The following TRIM36 variants were observed in gnomAD, a reference collection of about 807,000 sequenced individuals.
TRIM36 encodes E3 ubiquitin-protein ligase TRIM36.
A neutral mutation model predicts 72.4 loss-of-function variants in TRIM36; 42 were observed. The ratio of observed to expected loss-of-function variants is 0.58; its 90% CI spans 0.45 to 0.75. TRIM36 has a LOEUF of 0.75. TRIM36 is among the 30% of genes least tolerant of loss of function. The probability of loss-of-function intolerance (pLI) is 0.00; values close to 1 mark genes in which losing one functional copy is unlikely to be tolerated. For missense variants in TRIM36, 913 were observed against 857.1 expected, an observed-to-expected ratio of 1.07 and a Z score of -0.81; for synonymous variants, 315 against 282.8, an observed-to-expected ratio of 1.11 and a Z score of -1.14.
intron 2 of TRIM36, among the ~76,000 whole-genome samples, chr5:115,159,055 T>C (rs1306838946): frequency 6.6e-6 from 1 of 152,166 alleles, no homozygotes; most frequent in Non-Finnish European, 1.5e-5. Flanking sequence ...TTTAATAAGA[T>C]AGGTTGCCCC....
intron 5 of TRIM36, 38 bp from the exon 6 acceptor site, chr5:115,137,654 A>G (rs1392022306): frequency 5.9e-6 from 9 of 1,522,910 alleles, no homozygotes; most frequent in African/African-American, 5.6e-5. Context: ...CTAAGATAAA[A>G]CAAAGAATAG....
intron 9 of TRIM36, among the ~76,000 whole-genome samples, chr5:115,130,360 A>C (rs1206912231): frequency 6.6e-6 from 1 of 152,254 alleles, no homozygotes; most frequent in Non-Finnish European, 1.5e-5. Flanking sequence ...GCTATATCAC[A>C]ATTAAGAGAT....
chr5:115,166,671 G>A (rs1185444585), intron 1 of TRIM36, among the ~76,000 whole-genome samples: 5 of 152,188 alleles, frequency 3.3e-5, no homozygotes, highest in South Asian at 2.1e-4. Flanking sequence ...CCTGCTGCTC[G>A]CCATGTTGTG....
At chr5:115,167,276 G>A (rs1439474947) in intron 1 of TRIM36, among the ~76,000 whole-genome samples, 3 of 152,166 alleles carry the variant, frequency 2.0e-5, no homozygotes, top group Non-Finnish European at 4.4e-5. Flanking sequence ...GCACCTGTTT[G>A]GCCCTGCCAA....
chr5:115,157,941 A>T (rs1039758789), intron 2 of TRIM36, among the ~76,000 whole-genome samples: 7 of 152,100 alleles, frequency 4.6e-5, no homozygotes, highest in African/African-American at 1.7e-4. Context: ...AGAATAACAC[A>T]ATGGACTCTG....
rs1036457661 is a variant in TRIM36, at chr5:115,144,075, C to T, written c.735+523G>A. Among the ~76,000 whole-genome samples, 11 of 151,882 alleles carry T rather than the reference C, an allele frequency of 7.2e-5. No individual in the cohort carries two copies. In the East Asian group the frequency reaches 1.9e-3, roughly 27 times the overall value. ...ATTTTTAGTAGAGATGGGGTTTCAC[C>T]GTGTTAGCCAGGATGGTCTCGATCT... On this transcript the variant is annotated intron_variant, in intron 4 of 9. Coordinates refer to ENST00000513154, the MANE Select transcript of TRIM36 (RefSeq NM_001300759.2).
upstream of TRIM36, among the ~76,000 whole-genome samples, chr5:115,172,892 A>G (rs890293438): frequency 3.9e-5 from 6 of 152,378 alleles, no homozygotes; most frequent in South Asian, 2.1e-4. Context: ...GGAGTTAGGT[A>G]TACAAGATTT....
At chr5:115,132,202 GTGTA>G (rs1752723982) in intron 8 of TRIM36, among the ~76,000 whole-genome samples, 1 of 149,874 alleles carries the variant, frequency 6.7e-6, no homozygotes, top group Admixed American at 6.7e-5. Flanking sequence ...GTGTGTGTGT[GTGTA>G]TATATATATA....
At chr5:115,148,211 C>T (rs1404315956) in intron 2 of TRIM36, 1 of 496,730 alleles carries the variant, frequency 2.0e-6, no homozygotes, top group Non-Finnish European at 2.6e-6. Flanking sequence ...CCAAAAGTTA[C>T]CCCAAAAACA....
chr5:115,130,560 T>G, intron 9 of TRIM36, 32 bp downstream of exon 9: 1 of 1,562,478 alleles, frequency 6.4e-7, no homozygotes, highest in Non-Finnish European at 8.7e-7. Flanking sequence ...TTTTAAAAAA[T>G]TATCAAGTTC....
At chr5:115,174,450 A>G (rs912763146), upstream of TRIM36, among the ~76,000 whole-genome samples, 16 of 152,234 alleles carry the variant, frequency 1.1e-4, no homozygotes, top group African/African-American at 2.9e-4. Context: ...CGGACCACCT[A>G]TACTGCTGGG....
chr5:115,149,483 C>T (rs374039079), intron 2 of TRIM36: 45 of 138,826 alleles, frequency 3.2e-4, no homozygotes, highest in African/African-American at 1.1e-3. Context: ...ATTAAAGTAA[C>T]GGGATAATGA....
intron 1 of TRIM36, among the ~76,000 whole-genome samples, chr5:115,175,648 C>CT (rs1010069620): frequency 2.1e-4 from 31 of 148,276 alleles, no homozygotes; most frequent in Middle Eastern, 6.9e-3. Flanking sequence ...TAGGAGACAC[C>CT]TTTTTTTTTC....
chr5:115,148,351 A>AATCC, intron 2 of TRIM36: 1 of 984,750 alleles, frequency 1.0e-6, no homozygotes, highest in Non-Finnish European at 1.2e-6. Context: ...GGTTCACAGG[A>AATCC]ATCCAGGGTT....
rs115210478 is a variant in TRIM36 at position 115,144,830 on chromosome 5, A to G, written c.589-86T>C. 3,441 of 1,424,974 alleles carry G rather than the reference A, an allele frequency of 2.4e-3. 74 individuals carry two copies. The African/African-American group carries it at 0.045, about 19-fold the overall frequency. The allele number at this position is 1,424,974 out of a possible 1,614,324, so 88.3% of individuals were successfully genotyped here. On this transcript the variant is annotated intron_variant, in intron 3 of 9. Coordinates refer to ENST00000513154, the MANE Select transcript of TRIM36 (RefSeq NM_001300759.2). ...ACCAAAATACAAAGATTTGCCTTAT[A>G]AAATCACTAAATAAAGCCATTTAAG...
intron 5 of TRIM36, among the ~76,000 whole-genome samples, chr5:115,140,415 T>G (rs559848496): frequency 6.6e-6 from 1 of 152,334 alleles, no homozygotes; most frequent in South Asian, 2.1e-4. Flanking sequence ...TTTCTAATTT[T>G]TTATTGAAAC....
chr5:115,126,419 G>A lies in TRIM36; in HGVS notation c.*84C>T. On this transcript the variant is annotated 3_prime_UTR_variant, in exon 10 of 10. Coordinates refer to ENST00000513154, the MANE Select transcript of TRIM36 (RefSeq NM_001300759.2). The stretch of plus-strand genomic sequence containing the variant: ...CACAAGTGGGGTGACAGAACACTCA[G>A]CGATATGTAATTAGTTACGAAGGTT... 2 of 1,080,362 alleles carry A rather than the reference G, an allele frequency of 1.9e-6. No individual in the cohort carries two copies. The highest frequency in any genetic ancestry group is 2.6e-6 in the Non-Finnish European group (2 of 762,974). 66.9% of individuals were successfully genotyped at this position (1,080,362 alleles called of 1,614,324 possible). A position where few individuals can be genotyped will look rare whatever the true frequency, so the allele number is the denominator to read the frequency against.
At position 115,169,827 on chromosome 5, in the gene TRIM36, G is replaced by C. The variant is rs1173062424; in HGVS notation, c.-193C>G. 1.5e-6 allele frequency: 2 copies of C among 1,323,752 alleles called. No individual in the cohort carries two copies. The highest frequency in any genetic ancestry group is 3.6e-5 in the Admixed American group (1 of 27,734). The allele number at this position is 1,323,752 out of a possible 1,614,324, so 82.0% of individuals were successfully genotyped here. On this transcript the variant is annotated 5_prime_UTR_variant, in exon 1 of 10. Transcript: ENST00000513154. ...CCGGGGCAGGCAAAAGCACAGGCGC[G>C]GGAGAAGCGAGCTTTGCTCCCAGCG...
At position 115,169,901 on chromosome 5, in the gene TRIM36, C is replaced by T; in HGVS notation, c.-267G>A. ...CTGCCGGCTGCAGCAGCGGCTCCTG[C>T]GGACTGCGGCTGGGAACGGCGCCGC... On this transcript the variant is annotated 5_prime_UTR_variant, in exon 1 of 10. Coordinates refer to ENST00000513154, the MANE Select transcript of TRIM36 (RefSeq NM_001300759.2). 1 of 1,290,390 alleles carries T rather than the reference C, an allele frequency of 7.7e-7. No individual in the cohort carries two copies. 79.9% of individuals were successfully genotyped at this position (1,290,390 alleles called of 1,614,324 possible).
Sources: allele counts gnomAD v4.1 joint callset (sites outside exome capture counted in the v4.1 genomes callset), GRCh38; gene constraint gnomAD v4.1.1; transcripts MANE v1.5; gene names NCBI Gene and HGNC (gene_info 2026-07-23, HGNC 2026-07-21).